The following ARHGEF38 variants were observed in gnomAD, a reference collection of about 807,000 sequenced individuals.
ARHGEF38 encodes the protein Rho guanine nucleotide exchange factor (GEF) 38.
In ARHGEF38, 79 loss-of-function variants were observed where a neutral mutation model predicts 79.9. The observed-to-expected ratio is 0.99, with a 90% confidence interval of 0.82 to 1.19. ARHGEF38 has a LOEUF of 1.19. ARHGEF38 is among the 50% of genes most tolerant of loss of function. ARHGEF38 has a pLI of 0.00. For missense variants in ARHGEF38, 962 were observed against 907.2 expected (o/e 1.06, Z -0.78); for synonymous variants, 366 against 328.3 (o/e 1.11, Z -1.24).
At chr4:105,595,167 C>T (rs553335569) in intron 2 of ARHGEF38, among the ~76,000 whole-genome samples, 27 of 152,276 alleles carry the variant, frequency 1.8e-4, no homozygotes, top group African/African-American at 6.3e-4. Context: ...CTCAGCTACT[C>T]GGTTTCCTCC....
At chr4:105,586,250 A>G (rs551390042) in intron 1 of ARHGEF38, among the ~76,000 whole-genome samples, 1 of 120,692 alleles carries the variant, frequency 8.3e-6, no homozygotes, top group South Asian at 2.2e-4. Context: ...CAAACATAGA[A>G]AGTGTTTAGA....
chr4:105,580,580 G>C (rs978562923), intron 1 of ARHGEF38, among the ~76,000 whole-genome samples: 2 of 151,952 alleles, frequency 1.3e-5, no homozygotes, highest in African/African-American at 4.8e-5. Context: ...GTCTGAGAGA[G>C]TGGTTGGCAA....
intron 8 of ARHGEF38, among the ~76,000 whole-genome samples, chr4:105,654,605 G>T (rs1451260131): frequency 6.6e-6 from 1 of 152,102 alleles, no homozygotes; most frequent in Non-Finnish European, 1.5e-5. Context: ...CTACAATATG[G>T]AAATGCTCCC....
chr4:105,581,341 A>G (rs1272319452), intron 1 of ARHGEF38, among the ~76,000 whole-genome samples: 1 of 152,026 alleles, frequency 6.6e-6, no homozygotes, highest in East Asian at 1.9e-4. Context: ...AAAATTCTGA[A>G]AAGCTCCCAG....
intron 1 of ARHGEF38, among the ~76,000 whole-genome samples, chr4:105,584,129 T>C (rs956892437): frequency 6.6e-6 from 1 of 152,186 alleles, no homozygotes; most frequent in Admixed American, 6.5e-5. Flanking sequence ...TATGCTGTTG[T>C]TACAAAAAAG....
intron 10 of ARHGEF38, among the ~76,000 whole-genome samples, chr4:105,662,417 A>T (rs1189585102): frequency 6.6e-6 from 1 of 152,094 alleles, no homozygotes; most frequent in Non-Finnish European, 1.5e-5. Context: ...AAATGCAGTC[A>T]GATTTATTAA....
intron 13 of ARHGEF38, among the ~76,000 whole-genome samples, chr4:105,668,145 A>C (rs1730821909): frequency 6.6e-6 from 1 of 152,030 alleles, no homozygotes; most frequent in Non-Finnish European, 1.5e-5. Context: ...TTTTAATCTC[A>C]TGTATAATAC....
intron 5 of ARHGEF38, among the ~76,000 whole-genome samples, chr4:105,643,592 T>G (rs1729710534): frequency 6.6e-6 from 1 of 152,190 alleles, no homozygotes; most frequent in Non-Finnish European, 1.5e-5. Context: ...ATCTGAGAAC[T>G]CTATCATTTC....
chr4:105,628,575 A>G (rs759027896), intron 3 of ARHGEF38, among the ~76,000 whole-genome samples: 2 of 152,230 alleles, frequency 1.3e-5, no homozygotes, highest in Non-Finnish European at 2.9e-5. Context: ...GATGAACTCT[A>G]TAGGATATCA....
intron 1 of ARHGEF38, among the ~76,000 whole-genome samples, chr4:105,555,131 G>A (rs913827247): frequency 1.3e-5 from 2 of 152,082 alleles, no homozygotes; most frequent in East Asian, 3.9e-4. Context: ...GACTTCTTAC[G>A]CACTTCATTT....
chr4:105,586,895 C>T (rs1727077117), intron 1 of ARHGEF38, among the ~76,000 whole-genome samples: 1 of 151,728 alleles, frequency 6.6e-6, no homozygotes, highest in South Asian at 2.1e-4. Flanking sequence ...ACCTCTCTGC[C>T]CTCAGTCTCC....
intron 3 of ARHGEF38, among the ~76,000 whole-genome samples, chr4:105,620,288 G>T (rs1039447482): frequency 6.6e-6 from 1 of 152,114 alleles, no homozygotes; most frequent in Admixed American, 6.6e-5. Flanking sequence ...GTTGACTTGG[G>T]TTACATCTCG....
rs928525333 is a variant in ARHGEF38 at position 105,639,462 on chromosome 4, G to A, written c.674+3042G>A. 5.9e-5 allele frequency among the ~76,000 whole-genome samples: 9 copies of A among 151,854 alleles called. No individual in the cohort carries two copies. In the East Asian group the frequency reaches 1.7e-3, roughly 29 times the overall value. On this transcript the variant is annotated intron_variant, in intron 5 of 13. Transcript: ENST00000420470. ...GTCTGCCTTAGAAATTCCAACATTAGTTTATAAAGGATGATCCTATGATTT... is the reference window on the plus strand; with the variant it reads ...GTCTGCCTTAGAAATTCCAACATTAATTTATAAAGGATGATCCTATGATTT...
At chr4:105,606,941 T>C (rs1375811186) in intron 2 of ARHGEF38, among the ~76,000 whole-genome samples, 1 of 152,160 alleles carries the variant, frequency 6.6e-6, no homozygotes, top group African/African-American at 2.4e-5. Flanking sequence ...CTTAATTTTC[T>C]ACAGTGACAT....
chr4:105,679,222 A>T lies in ARHGEF38; in HGVS notation c.*1285A>T, dbSNP rs1578373155. 1.2e-5 allele frequency: 8 copies of T among 661,890 alleles called. No individual in the cohort carries two copies. In the East Asian group the frequency reaches 2.1e-4, roughly 17 times the overall value. 41.0% of individuals were successfully genotyped at this position (661,890 alleles called of 1,614,324 possible). On this transcript the variant is annotated 3_prime_UTR_variant, in exon 14 of 14. Transcript: ENST00000420470. ...CCAGCCACTCCTCTGTCTGGAATTA[A>T]AAGATGTTTCCATCATAATATTCTT...
chr4:105,557,651 T>C (rs868244730), intron 1 of ARHGEF38, among the ~76,000 whole-genome samples: 1 of 150,696 alleles, frequency 6.6e-6, no homozygotes, highest in East Asian at 2.0e-4. Context: ...CTCTCAGCCA[T>C]GTCAGGATAC....
chr4:105,630,847 G>T (rs1729154719), intron 3 of ARHGEF38, 51 bp from the exon 4 acceptor site: 2 of 1,513,088 alleles, frequency 1.3e-6, no homozygotes, highest in Non-Finnish European at 1.8e-6. Flanking sequence ...ATCATGTGAA[G>T]TGCCAGCTTT....
Position 105,645,176 on chromosome 4 carries a change from T to C in ARHGEF38, c.675-12T>C. ...ATGTTTGTGAAACTGATATTATTTA[T>C]CTGTATTGTAGAGGCAAACCAAACT... On this transcript the variant is annotated splice_polypyrimidine_tract_variant and intron_variant, in intron 5 of 13. Coordinates refer to ENST00000420470, the MANE Select transcript of ARHGEF38 (RefSeq NM_001242729.2). The C allele has an allele frequency of 7.1e-7, 1 of 1,415,208 alleles. No individual in the cohort carries two copies. The highest frequency in any genetic ancestry group is 9.2e-7 in the Non-Finnish European group (1 of 1,084,208). The allele number at this position is 1,415,208 out of a possible 1,614,324, so 87.7% of individuals were successfully genotyped here. A position where few individuals can be genotyped will look rare whatever the true frequency, so the allele number is the denominator to read the frequency against.
At chr4:105,625,376 C>T (rs948262058) in intron 3 of ARHGEF38, among the ~76,000 whole-genome samples, 1 of 152,080 alleles carries the variant, frequency 6.6e-6, no homozygotes, top group South Asian at 2.1e-4. Context: ...GAAACAGAAA[C>T]AAAAACAAAA....
Sources: allele counts gnomAD v4.1 joint callset (sites outside exome capture counted in the v4.1 genomes callset), GRCh38; gene constraint gnomAD v4.1.1; transcripts MANE v1.5; gene names NCBI Gene and HGNC (gene_info 2026-07-23, HGNC 2026-07-21).